Variants in TAFA5 observed in about 807,000 individuals in gnomAD.
TAFA5 encodes the protein chemokine-like protein TAFA-5.
In TAFA5, 6 loss-of-function variants were observed where a neutral mutation model predicts 15.3. The observed-to-expected ratio is 0.39, with a 90% confidence interval of 0.21 to 0.77. The LOEUF is 0.77. TAFA5 is among the 30% of genes least tolerant of loss of function. The pLI, the probability that TAFA5 is intolerant of heterozygous loss-of-function variation, is 0.41. For synonymous variants in TAFA5, 103 were observed against 80.7 expected, an observed-to-expected ratio of 1.28 and a Z score of -1.48; for missense variants, 161 against 193.1, an observed-to-expected ratio of 0.83 and a Z score of 0.98.
chr22:48,536,212 A>G (rs1475417391), intron 1 of TAFA5, among the ~76,000 whole-genome samples: 1 of 152,252 alleles, frequency 6.6e-6, no homozygotes, highest in Non-Finnish European at 1.5e-5. Context: ...GTTTCCATTA[A>G]TTAGCAGGGA....
chr22:48,618,304 G>A (rs74753570), intron 1 of TAFA5, among the ~76,000 whole-genome samples: 19,347 of 152,228 alleles, frequency 0.13, 1,485 homozygotes, highest in Non-Finnish European at 0.16. Context: ...GAACTGCACC[G>A]TGGCAGGCCA....
rs869050468 is a variant in TAFA5 at position 48,571,271 on chromosome 22, CT to C, written c.113-75304del. ...AACATTTTTTTGTTGTTGTTGTTTGCTTTTTTTTTTTTTTTTTTTTTTGAGA... is the reference window on the plus strand; with the variant it reads ...AACATTTTTTTGTTGTTGTTGTTTGCTTTTTTTTTTTTTTTTTTTTTGAGA... On this transcript the variant is annotated intron_variant, in intron 1 of 3. Transcript: ENST00000402357. Among the ~76,000 whole-genome samples, 971 of 97,654 alleles carry C rather than the reference CT, an allele frequency of 9.9e-3. 2 individuals carry two copies. Among genetic ancestry groups the C allele is most frequent in the African/African-American group, 0.021 (544 of 26,456 alleles). The allele number at this position is 97,654 out of a possible 152,430, so 64.1% of individuals were successfully genotyped here.
chr22:48,679,015 G>T (rs1316966041), intron 2 of TAFA5, among the ~76,000 whole-genome samples: 7 of 75,532 alleles, frequency 9.3e-5, no homozygotes, highest in Admixed American at 2.1e-4. Flanking sequence ...CCCTCTCCCG[G>T]CTCCGCGTCC....
intron 1 of TAFA5, among the ~76,000 whole-genome samples, chr22:48,513,873 G>T (rs1427227231): frequency 6.6e-6 from 1 of 152,210 alleles, no homozygotes; most frequent in Non-Finnish European, 1.5e-5. Context: ...GGGCCAAGAA[G>T]AGGGCTTGGC....
chr22:48,605,365 G>A (rs1285219464), intron 1 of TAFA5, among the ~76,000 whole-genome samples: 1 of 152,160 alleles, frequency 6.6e-6, no homozygotes, highest in Admixed American at 6.5e-5. Flanking sequence ...TGATGGTGGT[G>A]ATGGTGTTGA....
chr22:48,585,753 A>G (rs1375082640), intron 1 of TAFA5, among the ~76,000 whole-genome samples: 1 of 151,770 alleles, frequency 6.6e-6, no homozygotes. Flanking sequence ...CCACATACGC[A>G]TACCAAATAC....
intron 1 of TAFA5, among the ~76,000 whole-genome samples, chr22:48,518,088 C>G (rs1921477912): frequency 6.6e-6 from 1 of 152,210 alleles, no homozygotes; most frequent in South Asian, 2.1e-4. Context: ...TCCCCCAGGC[C>G]CACCAGGCAG....
chr22:48,692,691 C>G (rs968182534), intron 2 of TAFA5, among the ~76,000 whole-genome samples: 8 of 152,236 alleles, frequency 5.3e-5, no homozygotes, highest in African/African-American at 1.9e-4. Flanking sequence ...GGATGGGGAA[C>G]TCCGCAGAGC....
At chr22:48,628,602 C>T (rs1453575130) in intron 1 of TAFA5, among the ~76,000 whole-genome samples, 3 of 152,182 alleles carry the variant, frequency 2.0e-5, no homozygotes, top group Admixed American at 1.3e-4. Context: ...CCAGGAGAGG[C>T]GATGCTTGGA....
intron 3 of TAFA5, among the ~76,000 whole-genome samples, chr22:48,727,559 T>C (rs1469630456): frequency 1.3e-5 from 2 of 151,984 alleles, no homozygotes; most frequent in Non-Finnish European, 2.9e-5. Flanking sequence ...AAGGAACATA[T>C]CCAGAAATCA....
intron 3 of TAFA5, among the ~76,000 whole-genome samples, chr22:48,714,420 C>T (rs1052646486): frequency 3.3e-5 from 5 of 152,176 alleles, no homozygotes; most frequent in East Asian, 1.9e-4. Context: ...CTCCTCCCAG[C>T]GCTGTAGAGG....
At chr22:48,618,766 G>A (rs1925704921) in intron 1 of TAFA5, among the ~76,000 whole-genome samples, 1 of 152,238 alleles carries the variant, frequency 6.6e-6, no homozygotes, top group Admixed American at 6.5e-5. Context: ...GCCCATCTGG[G>A]ATTGAGGATG....
chr22:48,660,762 C>T (rs975863031), intron 2 of TAFA5, among the ~76,000 whole-genome samples: 2 of 152,278 alleles, frequency 1.3e-5, no homozygotes, highest in East Asian at 1.9e-4. Context: ...TCTCCCAGGC[C>T]GGGGTCTCTC....
At chr22:48,661,893 T>G (rs1927453559) in intron 2 of TAFA5, among the ~76,000 whole-genome samples, 1 of 141,034 alleles carries the variant, frequency 7.1e-6, no homozygotes, top group Non-Finnish European at 1.5e-5. Flanking sequence ...GTGCCCACTT[T>G]GGGGAGATGG....
intron 3 of TAFA5, 63 bp downstream of exon 3, chr22:48,707,907 G>A (rs913474467): frequency 2.7e-5 from 42 of 1,563,890 alleles, no homozygotes; most frequent in African/African-American, 1.3e-4. Flanking sequence ...GCGGGCCTCC[G>A]ACGCCACCCG....
intron 1 of TAFA5, chr22:48,576,190 C>G (rs1923786936): frequency 4.5e-6 from 1 of 223,044 alleles, no homozygotes. Flanking sequence ...CGATGGTGGC[C>G]GAGTGGTCGG....
At chr22:48,548,469 G>A (rs1041007205) in intron 1 of TAFA5, among the ~76,000 whole-genome samples, 10 of 152,228 alleles carry the variant, frequency 6.6e-5, no homozygotes, top group African/African-American at 2.4e-4. Context: ...GCCTCACAGT[G>A]CTGTTCGGGA....
chr22:48,728,035 C>T (rs1929761231), intron 3 of TAFA5, among the ~76,000 whole-genome samples: 1 of 152,114 alleles, frequency 6.6e-6, no homozygotes, highest in East Asian at 1.9e-4. Context: ...ATAACAACAA[C>T]AAAAAGCAGC....
chr22:48,558,521 C>T (rs1923116294), intron 1 of TAFA5, among the ~76,000 whole-genome samples: 2 of 152,136 alleles, frequency 1.3e-5, no homozygotes, highest in South Asian at 2.1e-4. Context: ...GAGTTGGGCT[C>T]CTGTGGGTGT....
Sources: gnomAD v4.1 joint callset for allele counts (sites outside exome capture counted in the v4.1 genomes callset) on GRCh38, gnomAD v4.1.1 for gene constraint, MANE v1.5 for transcripts, NCBI Gene and HGNC (gene_info 2026-07-23, HGNC 2026-07-21) for gene names.